MGAT5: variants seen among roughly 807,000 people sequenced by gnomAD.
MGAT5 encodes alpha-1,6-mannosylglycoprotein 6-beta-N-acetylglucosaminyltransferase, also known as alpha-1,6-mannosylglycoprotein 6-beta-N-acetylglucosaminyltransferase A.
Under a neutral mutation model 94.3 loss-of-function variants are expected in MGAT5, and 30 were observed. That is an observed-to-expected ratio of 0.32 (90% CI 0.24 to 0.43). The LOEUF (loss-of-function observed/expected upper bound fraction) is 0.43, where lower values mean the gene tolerates loss of function less well. MGAT5 is among the 20% of genes least tolerant of loss of function. The pLI, the probability that MGAT5 is intolerant of heterozygous loss-of-function variation, is 1.00. For synonymous variants in MGAT5, 310 were observed against 322.9 expected (o/e 0.96, Z 0.43); for missense variants, 691 against 905.5 (o/e 0.76, Z 3.04).
At chr2:134,382,828 A>C (rs1472913393) in intron 10 of MGAT5, among the ~76,000 whole-genome samples, 2 of 152,236 alleles carry the variant, frequency 1.3e-5, no homozygotes, top group East Asian at 3.8e-4. Flanking sequence ...CTGCACCCAC[A>C]GCTTGAGCTG....
At chr2:134,212,662 GCT>G (rs1239099542) in intron 1 of MGAT5, among the ~76,000 whole-genome samples, 1 of 152,204 alleles carries the variant, frequency 6.6e-6, no homozygotes, top group East Asian at 1.9e-4. Context: ...TTAAATCAGA[GCT>G]CTCTGGAAAT....
At chr2:134,390,950 T>TGAAC (rs1431859435) in intron 10 of MGAT5, among the ~76,000 whole-genome samples, 48 of 152,314 alleles carry the variant, frequency 3.2e-4, no homozygotes, top group South Asian at 1.9e-3. Context: ...CCTCTCTTTG[T>TGAAC]CTTGTTTCAG....
chr2:134,198,534 C>T (rs1207045321), intron 1 of MGAT5, among the ~76,000 whole-genome samples: 3 of 152,190 alleles, frequency 2.0e-5, no homozygotes, highest in African/African-American at 7.2e-5. Context: ...TGCTACAAAG[C>T]AGCTTGTCAA....
intron 1 of MGAT5, among the ~76,000 whole-genome samples, chr2:134,172,664 G>A (rs992090169): frequency 2.0e-5 from 3 of 152,188 alleles, no homozygotes; most frequent in Admixed American, 1.3e-4. Flanking sequence ...GGGATTACAG[G>A]TGTGAGCCAC....
At chr2:134,447,665 C>A (rs1685867503) in intron 15 of MGAT5, among the ~76,000 whole-genome samples, 1 of 152,246 alleles carries the variant, frequency 6.6e-6, no homozygotes, top group Non-Finnish European at 1.5e-5. Context: ...CCGCTGCCTC[C>A]TTCAGGAAGC....
intron 2 of MGAT5, among the ~76,000 whole-genome samples, chr2:134,312,262 A>G (rs185333024): frequency 1.2e-4 from 18 of 152,222 alleles, no homozygotes; most frequent in Admixed American, 5.2e-4. Context: ...ACAAAAAAAA[A>G]TCTCTCATAC....
At chr2:134,193,796 A>C (rs1355434973) in intron 1 of MGAT5, among the ~76,000 whole-genome samples, 1 of 151,344 alleles carries the variant, frequency 6.6e-6, no homozygotes, top group Admixed American at 6.6e-5. Flanking sequence ...TCGCGATGAA[A>C]GTTGGCTTCT....
At position 134,381,394 on chromosome 2, in the gene MGAT5, A is replaced by AT. The variant is rs551902685; in HGVS notation, c.1380+18987dup. Among the ~76,000 whole-genome samples the AT allele has an allele frequency of 8.5e-3, 908 of 107,356 alleles. 7 individuals carry two copies. The highest frequency in any genetic ancestry group is 0.025 in the South Asian group (88 of 3,562). 70.4% of individuals were successfully genotyped at this position (107,356 alleles called of 152,430 possible). A position where few individuals can be genotyped will look rare whatever the true frequency, so the allele number is the denominator to read the frequency against. On this transcript the variant is annotated intron_variant, in intron 10 of 15. Coordinates refer to ENST00000281923, the MANE Select transcript of MGAT5 (RefSeq NM_002410.5). The stretch of plus-strand genomic sequence containing the variant: ...AAGATAAGATAGATTAGATAGATAG[A>AT]TAGATAGATAGATAGATAGATAGAT...
chr2:134,356,976 T>G (rs1296486283), intron 9 of MGAT5, among the ~76,000 whole-genome samples: 1 of 152,196 alleles, frequency 6.6e-6, no homozygotes, highest in African/African-American at 2.4e-5. Flanking sequence ...TGCTACCCAG[T>G]ATTTATGTTT....
At chr2:134,341,835 T>C (rs752782199) in intron 7 of MGAT5, 76 bp downstream of exon 7, 15 of 1,285,948 alleles carry the variant, frequency 1.2e-5, no homozygotes, top group Non-Finnish European at 1.6e-5. Context: ...TTACCTCTAT[T>C]AGTGTATAAT....
chr2:134,175,866 G>A lies in MGAT5; in HGVS notation c.-143+55575G>A, dbSNP rs143323155. On this transcript the variant is annotated intron_variant, in intron 1 of 16. Transcript: ENST00000409645. ...TGGATAGATGGCATCTGTCAGGCAGGTGGAGGTGCTTCCTCAGGTTAATTA... is the reference window on the plus strand; with the variant it reads ...TGGATAGATGGCATCTGTCAGGCAGATGGAGGTGCTTCCTCAGGTTAATTA... Among the ~76,000 whole-genome samples, 864 of 152,284 alleles carry A rather than the reference G, an allele frequency of 5.7e-3. 8 individuals are homozygous for A. The highest frequency in any genetic ancestry group is 0.02 in the African/African-American group (818 of 41,550).
At chr2:134,374,715 G>A (rs959218586) in intron 10 of MGAT5, among the ~76,000 whole-genome samples, 4 of 152,176 alleles carry the variant, frequency 2.6e-5, no homozygotes, top group South Asian at 2.1e-4. Flanking sequence ...GGACTAGCCC[G>A]GGCACAGTGG....
intron 10 of MGAT5, among the ~76,000 whole-genome samples, chr2:134,380,255 G>T (rs1375178941): frequency 1.3e-5 from 2 of 152,188 alleles, no homozygotes; most frequent in African/African-American, 4.8e-5. Context: ...ATTGTGGAAA[G>T]AAATAAGCTA....
chr2:134,272,379 T>TC (rs1684087177), intron 2 of MGAT5, among the ~76,000 whole-genome samples: 1 of 151,784 alleles, frequency 6.6e-6, no homozygotes, highest in Non-Finnish European at 1.5e-5. Flanking sequence ...GTTTTTTTTT[T>TC]CCTTTTTGGG....
At chr2:134,296,570 A>G (rs1685686556) in intron 2 of MGAT5, among the ~76,000 whole-genome samples, 1 of 152,088 alleles carries the variant, frequency 6.6e-6, no homozygotes, top group Admixed American at 6.6e-5. Flanking sequence ...TTGAAAGAAA[A>G]CCACTTTCCT....
At chr2:134,179,179 C>CT (rs1212574339) in intron 1 of MGAT5, among the ~76,000 whole-genome samples, 2 of 151,878 alleles carry the variant, frequency 1.3e-5, no homozygotes, top group African/African-American at 4.8e-5. Flanking sequence ...TTTTTTGTGC[C>CT]TTTTTTTAAA....
chr2:134,363,238 C>T (rs1380365465), intron 10 of MGAT5, among the ~76,000 whole-genome samples: 1 of 152,174 alleles, frequency 6.6e-6, no homozygotes, highest in African/African-American at 2.4e-5. Flanking sequence ...ACTGTGGTCT[C>T]ATGTTTCTTG....
intron 1 of MGAT5, among the ~76,000 whole-genome samples, chr2:134,213,967 G>A (rs917064024): frequency 1.3e-5 from 2 of 152,114 alleles, no homozygotes; most frequent in African/African-American, 4.8e-5. Flanking sequence ...AGATTTTAGG[G>A]GTGGGACTGA....
At chr2:134,245,146 G>A (rs367620209) in intron 1 of MGAT5, among the ~76,000 whole-genome samples, 11 of 152,258 alleles carry the variant, frequency 7.2e-5, no homozygotes, top group African/African-American at 2.4e-4. Context: ...CCGAGTAGCT[G>A]GGACTGCAGG....
Sources: allele counts gnomAD v4.1 joint callset (sites outside exome capture counted in the v4.1 genomes callset), GRCh38; gene constraint gnomAD v4.1.1; transcripts MANE v1.5; gene names NCBI Gene and HGNC (gene_info 2026-07-23, HGNC 2026-07-21).